OR1J2: variants seen among roughly 807,000 people sequenced by gnomAD.
OR1J2 encodes olfactory receptor family 1 subfamily J member 2.
For missense variants in OR1J2, 304 were observed against 246.1 expected (o/e 1.24, Z -1.57); for synonymous variants, 142 against 99.7 (o/e 1.42, Z -2.52).
At chr9:122,459,198 G>A in the OR1J2 span, among the ~76,000 whole-genome samples, 1 of 152,068 alleles carries the variant, frequency 6.6e-6, no homozygotes, top group Non-Finnish European at 1.5e-5. Flanking sequence ...GTCTGTTGAT[G>A]GACACTTAGA....
chr9:122,452,397 G>A, the OR1J2 span, among the ~76,000 whole-genome samples: 1 of 152,162 alleles, frequency 6.6e-6, no homozygotes, highest in Non-Finnish European at 1.5e-5. Flanking sequence ...CTTGCCATAT[G>A]CCATAGGTTA....
At chr9:122,497,043 C>A in the OR1J2 span, among the ~76,000 whole-genome samples, 1 of 152,126 alleles carries the variant, frequency 6.6e-6, no homozygotes. Context: ...ATGTCTCCTT[C>A]CCCCCTGTAC....
the OR1J2 span, among the ~76,000 whole-genome samples, chr9:122,579,532 T>G: frequency 6.6e-6 from 1 of 152,188 alleles, no homozygotes; most frequent in African/African-American, 2.4e-5. Context: ...GAGGTTCTTA[T>G]ACATTCTATT....
the OR1J2 span, chr9:122,553,152 A>G: frequency 4.5e-6 from 7 of 1,560,654 alleles, no homozygotes; most frequent in Non-Finnish European, 5.2e-6. Context: ...AATTGATCTA[A>G]TAAATAAATA....
the OR1J2 span, among the ~76,000 whole-genome samples, chr9:122,534,847 C>G: frequency 6.6e-6 from 1 of 152,070 alleles, no homozygotes; most frequent in Non-Finnish European, 1.5e-5. Flanking sequence ...GCACCTCAGA[C>G]CATTTGCCCA....
chr9:122,513,975 A>G (rs1291966162), downstream of OR1J2, among the ~76,000 whole-genome samples: 2 of 152,370 alleles, frequency 1.3e-5, no homozygotes, highest in East Asian at 1.9e-4. Flanking sequence ...AAAATAAAAC[A>G]TCTTAAGTAG....
At chr9:122,520,092 T>G in the OR1J2 span, 1 of 1,593,346 alleles carries the variant, frequency 6.3e-7, no homozygotes, top group Non-Finnish European at 8.6e-7. Context: ...ACATTTACTC[T>G]TCTTTATAAC....
At chr9:122,507,506 C>G (rs1456790424), upstream of OR1J2, among the ~76,000 whole-genome samples, 1 of 152,132 alleles carries the variant, frequency 6.6e-6, no homozygotes, top group Admixed American at 6.5e-5. Context: ...AGAATATAAG[C>G]TACTTATGTG....
rs779131365 is a variant in OR1J2 at position 122,511,371 on chromosome 9, A to G, written c.570A>G (p.Ser190=). 7 of 743,686 alleles carry G rather than the reference A, an allele frequency of 9.4e-6. No homozygotes were observed. The South Asian group carries it at 1.1e-4, about 11-fold the overall frequency. The allele number at this position is 743,686 out of a possible 1,614,324, so 46.1% of individuals were successfully genotyped here. ...DLAALLKLSC[S]DIFLNELVMF... is the part of the protein sequence containing the mutation. ...CTGCCCTGCTCAAGCTGTCCTGCTC[A>G]GATATCTTCCTCAATGAGCTGGTCA... Residue 190 remains serine (S), a synonymous_variant, in exon 1 of 1, where the codon TCA becomes TCG. Transcript: ENST00000335302.
At chr9:122,475,610 C>T in the OR1J2 span, 2 of 152,130 alleles carry the variant, frequency 1.3e-5, no homozygotes, top group African/African-American at 4.8e-5. Context: ...TCAAGTGTTA[C>T]GATATTGATT....
chr9:122,563,884 G>A, the OR1J2 span, among the ~76,000 whole-genome samples: 1 of 152,224 alleles, frequency 6.6e-6, no homozygotes, highest in Non-Finnish European at 1.5e-5. Context: ...TTCCCAATGT[G>A]TATTCTTCAC....
the OR1J2 span, among the ~76,000 whole-genome samples, chr9:122,569,659 CATTTT>C: frequency 8.0e-5 from 12 of 150,498 alleles, no homozygotes; most frequent in African/African-American, 2.2e-4. Context: ...GAAACAACTT[CATTTT>C]ATTTTATTTT....
chr9:122,580,271 C>G, the OR1J2 span, among the ~76,000 whole-genome samples: 19 of 152,210 alleles, frequency 1.2e-4, no homozygotes, highest in Admixed American at 9.2e-4. Flanking sequence ...ATAAGTGCAC[C>G]CAACTAATTC....
At chr9:122,547,897 C>T in the OR1J2 span, among the ~76,000 whole-genome samples, 1 of 152,242 alleles carries the variant, frequency 6.6e-6, no homozygotes, top group South Asian at 2.1e-4. Context: ...TATTAATTTA[C>T]ATTCCTACCA....
chr9:122,519,416 T>A, the OR1J2 span: 3 of 1,614,056 alleles, frequency 1.9e-6, no homozygotes, highest in African/African-American at 4.0e-5. Flanking sequence ...ATCAATCCAT[T>A]CTTTATGCAG....
chr9:122,529,342 C>T, the OR1J2 span, among the ~76,000 whole-genome samples: 2 of 152,190 alleles, frequency 1.3e-5, no homozygotes, highest in African/African-American at 4.8e-5. Context: ...GCAGACCCTG[C>T]CTTCAGCAAG....
chr9:122,561,039 TC>T, the OR1J2 span, among the ~76,000 whole-genome samples: 150 of 152,346 alleles, frequency 9.8e-4, 2 homozygotes, highest in African/African-American at 3.5e-3. Context: ...TCATTCTTTT[TC>T]CTTTAATCTT....
At chr9:122,479,257 A>G in the OR1J2 span, among the ~76,000 whole-genome samples, 3 of 152,088 alleles carry the variant, frequency 2.0e-5, no homozygotes, top group African/African-American at 2.4e-5. Flanking sequence ...CAATTTCTCC[A>G]TGCTACTGAA....
chr9:122,492,676 A>T, the OR1J2 span, among the ~76,000 whole-genome samples: 2 of 151,900 alleles, frequency 1.3e-5, no homozygotes, highest in Non-Finnish European at 2.9e-5. Flanking sequence ...TTTTGACTTC[A>T]TTCCTCTTTA....
Sources: allele counts gnomAD v4.1 joint callset (sites outside exome capture counted in the v4.1 genomes callset), GRCh38; gene constraint gnomAD v4.1.1; transcripts MANE v1.5; gene names NCBI Gene and HGNC (gene_info 2026-07-23, HGNC 2026-07-21).